The following TEX15 variants were observed in gnomAD, a reference collection of about 807,000 sequenced individuals.
TEX15 encodes testis-expressed protein 15.
Under a neutral mutation model 237.3 loss-of-function variants are expected in TEX15, and 171 were observed. That is an observed-to-expected ratio of 0.72 (90% CI 0.64 to 0.82). The LOEUF is 0.82. Among genes scored for constraint, TEX15 ranks in the 40% least tolerant of loss-of-function variants. The pLI, the probability that TEX15 is intolerant of heterozygous loss-of-function variation, is 0.00. For synonymous variants in TEX15, 1,338 were observed against 1,269.8 expected (o/e 1.05, Z -1.14); for missense variants, 3,750 against 3,646.5 (o/e 1.03, Z -0.73).
At position 30,844,855 on chromosome 8, in the gene TEX15, T is replaced by C. The variant is rs1440950563; in HGVS notation, c.5312A>G (p.Gln1771Arg). Residue 1771 changes from glutamine (Q) to arginine (R), a missense_variant, in exon 8 of 11, where the codon CAG (glutamine) becomes CGG (arginine). Coordinates refer to ENST00000643185, the MANE Select transcript of TEX15 (RefSeq NM_001350162.2). ...ATGGAGGCAATTACCTGAAGAGCAC[T>C]GTTCTGTCTTTAGAAGCTCTTTTTC... ...CREKELLKTEQCSSGNCLHTD... is the reference protein window; with the variant it reads ...CREKELLKTERCSSGNCLHTD... 2 of 1,613,530 alleles carry C rather than the reference T, an allele frequency of 1.2e-6. No homozygotes were observed. Among genetic ancestry groups the C allele is most frequent in the East Asian group, 2.2e-5 (1 of 44,864 alleles).
chr8:30,875,016 C>G lies in TEX15; in HGVS notation c.223G>C (p.Asp75His). 1 of 1,398,446 alleles carries G rather than the reference C, an allele frequency of 7.2e-7. No individual in the cohort carries two copies. The highest frequency in any genetic ancestry group is 1.8e-5 in the South Asian group (1 of 56,442). The allele number at this position is 1,398,446 out of a possible 1,614,324, so 86.6% of individuals were successfully genotyped here. A position where few individuals can be genotyped will look rare whatever the true frequency, so the allele number is the denominator to read the frequency against. Residue 75 changes from aspartate to histidine, a missense_variant, in exon 4 of 11, where the codon GAT becomes CAT. Transcript: ENST00000643185. ...CCAAACTGCCATAACGACTGCAGAT[C>G]ACAGTTTACATCAAGCCTGCACTGG... ...LNQCRLDVNC[D>H]LQSLWQFGDT...
rs1801586350 is a variant in TEX15 at position 30,832,694 on chromosome 8, A to G, written c.*592T>C. On this transcript the variant is annotated 3_prime_UTR_variant, in exon 11 of 11. Coordinates refer to ENST00000643185, the MANE Select transcript of TEX15 (RefSeq NM_001350162.2). ...ATCTTCTGGAAATGGCTCTTGTAGA[A>G]AAAGGCATTGAAAGTGCTTCATTGC... 1 of 152,212 alleles carries G rather than the reference A, an allele frequency of 6.6e-6. No homozygotes were observed. The highest frequency in any genetic ancestry group is 1.5e-5 in the Non-Finnish European group (1 of 68,012). 9.4% of individuals were successfully genotyped at this position (152,212 alleles called of 1,614,324 possible). A position where few individuals can be genotyped will look rare whatever the true frequency, so the allele number is the denominator to read the frequency against.
intron 7 of TEX15, among the ~76,000 whole-genome samples, chr8:30,855,313 AAAAT>A (rs1206155176): frequency 2.9e-4 from 44 of 149,496 alleles, no homozygotes; most frequent in Middle Eastern, 3.4e-3. Context: ...ATACACTAAT[AAAAT>A]AAATAATTCC....
intron 3 of TEX15, among the ~76,000 whole-genome samples, chr8:30,886,113 G>C (rs1407085201): frequency 6.6e-6 from 1 of 152,178 alleles, no homozygotes; most frequent in African/African-American, 2.4e-5. Context: ...CTTGGTGTGT[G>C]TTAAGATGAG....
chr8:30,879,699 GAT>G (rs1244968903), intron 3 of TEX15, among the ~76,000 whole-genome samples: 2 of 152,156 alleles, frequency 1.3e-5, no homozygotes, highest in Non-Finnish European at 2.9e-5. Context: ...CTTAACAGTG[GAT>G]AGAGTATTTC....
intron 3 of TEX15, among the ~76,000 whole-genome samples, chr8:30,882,668 G>A (rs1808555824): frequency 6.6e-6 from 1 of 152,096 alleles, no homozygotes; most frequent in African/African-American, 2.4e-5. Context: ...GTGCTTGAAA[G>A]GTCTATTCTG....
intron 2 of TEX15, among the ~76,000 whole-genome samples, chr8:30,894,229 G>C (rs748468052): frequency 2.1e-4 from 32 of 152,224 alleles, no homozygotes; most frequent in Non-Finnish European, 3.7e-4. Context: ...GCTGTGGTGG[G>C]AGAACTGCTT....
At position 30,842,619 on chromosome 8, in the gene TEX15, G is replaced by A. The variant is rs1178038633; in HGVS notation, c.7548C>T (p.Ser2516=). The change falls in exon 8 of 11, where the codon TCC becomes TCT. Residue 2516 remains serine (S), a synonymous_variant. Coordinates refer to ENST00000643185, the MANE Select transcript of TEX15 (RefSeq NM_001350162.2). The part of the protein sequence containing the change: ...CLWKVIETAV[S]ELKKDLDIIC... ...TAATATCCAGATCTTTCTTAAGTTC[G>A]GAAACAGCAGTCTCTATCACTTTCC... 7.4e-6 allele frequency: 12 copies of A among 1,611,184 alleles called. No homozygotes were observed. The highest frequency in any genetic ancestry group is 4.0e-5 in the African/African-American group (3 of 74,854).
In TEX15 at chr8:30,872,910, TTTA is replaced by T. The variant is rs1467294240; in HGVS notation, c.302+2024_302+2026del. On this transcript the variant is annotated intron_variant, in intron 4 of 10. Transcript: ENST00000643185. ...GTAAAAATATTACAGTAAGCTAAGG[TTTA>T]TTATTGAGAAAATTAAAAAATACAT... Among the ~76,000 whole-genome samples, 6 of 152,226 alleles carry T rather than the reference TTTA, an allele frequency of 3.9e-5. No homozygotes were observed. In the South Asian group the frequency reaches 1.0e-3, roughly 26 times the overall value.
chr8:30,878,400 T>C (rs546807927), intron 3 of TEX15, among the ~76,000 whole-genome samples: 12 of 152,282 alleles, frequency 7.9e-5, no homozygotes, highest in Admixed American at 7.8e-4. Flanking sequence ...ATTTTATTTT[T>C]GAGACGGAGT....
At chr8:30,872,058 T>C (rs376221152) in intron 4 of TEX15, among the ~76,000 whole-genome samples, 2 of 152,280 alleles carry the variant, frequency 1.3e-5, no homozygotes, top group South Asian at 2.1e-4. Flanking sequence ...CAGGAGATCT[T>C]GTTCAGACAA....
chr8:30,880,326 G>A (rs748730519), intron 3 of TEX15, among the ~76,000 whole-genome samples: 1 of 152,160 alleles, frequency 6.6e-6, no homozygotes, highest in Non-Finnish European at 1.5e-5. Flanking sequence ...CACCATGACC[G>A]GCTGCCCAAA....
At position 30,842,076 on chromosome 8, in the gene TEX15, G is replaced by T. The variant is rs1455345152; in HGVS notation, c.8091C>A (p.Ser2697Arg). 6.2e-7 allele frequency: 1 copy of T among 1,613,600 alleles called. No homozygotes were observed. Among genetic ancestry groups the T allele is most frequent in the Admixed American group, 1.7e-5 (1 of 59,984 alleles). ...NISNSSKKRP[S>R]TVDKCEDSQE... ...GAGAGTCTTCACATTTGTCTACAGT[G>T]CTCGGTCGTTTTTTAGAGGAATTTG... Residue 2697 changes from serine to arginine, a missense_variant, in exon 8 of 11, where the codon AGC becomes AGA. Physicochemically the swap from Ser to Arg is moderately radical, Grantham distance 110. Coordinates refer to ENST00000643185, the MANE Select transcript of TEX15 (RefSeq NM_001350162.2).
intron 2 of TEX15, among the ~76,000 whole-genome samples, chr8:30,896,019 G>A (rs1326480243): frequency 2.0e-5 from 3 of 152,104 alleles, no homozygotes; most frequent in Non-Finnish European, 2.9e-5. Context: ...TACCATCACA[G>A]TGACTTGTGA....
rs1166267381 is a variant in TEX15 at position 30,837,857 on chromosome 8, A to G, written c.8427T>C (p.Ser2809=). 2 of 1,614,026 alleles carry G rather than the reference A, an allele frequency of 1.2e-6. No individual in the cohort carries two copies. The highest frequency in any genetic ancestry group is 2.7e-5 in the African/African-American group (2 of 74,934). ...IDLTVSSDHF[S]GQQENLNSMK... ...TGCTATTTAAATTTTCCTGTTGTCC[A>G]CTGAAGTGATCAGATGAAACAGTTA... is the stretch of plus-strand genomic sequence containing the variant. Residue 2809 remains serine, a synonymous_variant, in exon 10 of 11, where the codon AGT becomes AGC. Transcript: ENST00000643185.
Position 30,874,958 on chromosome 8 carries a change from TCCAG to T in TEX15, c.277_280del (p.Leu93LysfsTer28). ...TTACCTCTTAGCAGTAAAATTTTTT[TCCAG>T]TTCCTCATTGTGAACCAGTTTTGTA... On this transcript the variant is annotated frameshift_variant, in exon 4 of 11. Coordinates refer to ENST00000643185, the MANE Select transcript of TEX15 (RefSeq NM_001350162.2). LOFTEE classifies it high-confidence loss of function. 1 of 1,343,206 alleles carries T rather than the reference TCCAG, an allele frequency of 7.4e-7. No homozygotes were observed. Among genetic ancestry groups the T allele is most frequent in the Non-Finnish European group, 9.5e-7 (1 of 1,047,870 alleles). 83.2% of individuals were successfully genotyped at this position (1,343,206 alleles called of 1,614,324 possible).
rs1807811544 is a variant in TEX15, at chr8:30,852,500, AT to A, written c.851-3185del. Reference sequence around the variant, plus strand: ...TATTAACAGTAGAATCTTAATCTCTATATTATGCTATCTCTTTAAACTTGAT... The same window carrying A: ...TATTAACAGTAGAATCTTAATCTCTAATTATGCTATCTCTTTAAACTTGAT... On this transcript the variant is annotated intron_variant, in intron 7 of 10. Transcript: ENST00000643185. Among the ~76,000 whole-genome samples the A allele has an allele frequency of 7.2e-5, 11 of 152,248 alleles. No homozygotes were observed. The South Asian group carries it at 2.3e-3, about 32-fold the overall frequency.
intron 7 of TEX15, among the ~76,000 whole-genome samples, chr8:30,850,893 AAC>A (rs1807768176): frequency 6.6e-6 from 1 of 152,200 alleles, no homozygotes; most frequent in Non-Finnish European, 1.5e-5. Context: ...ATTGTCAACA[AAC>A]ACAAAAAGAT....
In TEX15 at chr8:30,883,196, G is replaced by C. The variant is rs541261462; in HGVS notation, c.136+3971C>G. ...TGTGATCATAGCTCACTGCAGCCTT[G>C]AACTTCTGGGCTTAAGCCATCCTCC... On this transcript the variant is annotated intron_variant, in intron 3 of 10. Transcript: ENST00000643185. Among the ~76,000 whole-genome samples the C allele has an allele frequency of 3.3e-5, 5 of 151,934 alleles. No homozygotes were observed. In the South Asian group the frequency reaches 8.3e-4, roughly 25 times the overall value.
Sources: gnomAD v4.1 joint callset for allele counts (sites outside exome capture counted in the v4.1 genomes callset) on GRCh38, gnomAD v4.1.1 for gene constraint, MANE v1.5 for transcripts, NCBI Gene and HGNC (gene_info 2026-07-23, HGNC 2026-07-21) for gene names.